The following ITGB5 variants were observed in gnomAD, a reference collection of about 807,000 sequenced individuals.
ITGB5 encodes integrin beta-5.
ITGB5 carries 38 observed loss-of-function variants against 84.8 expected under a neutral mutation model. The ratio of observed to expected loss-of-function variants is 0.45; its 90% CI spans 0.35 to 0.59. The LOEUF (loss-of-function observed/expected upper bound fraction) is 0.59. Ranked by LOEUF, ITGB5 falls within the 20% of genes least tolerant of loss-of-function variation. The probability of loss-of-function intolerance (pLI) is 0.01; values close to 1 mark genes in which losing one functional copy is unlikely to be tolerated. For synonymous variants in ITGB5, 393 were observed against 414.4 expected (o/e 0.95, Z 0.63); for missense variants, 905 against 1,034.5 (o/e 0.87, Z 1.72).
chr3:124,797,426 T>C (rs1163024376), intron 9 of ITGB5, among the ~76,000 whole-genome samples: 1 of 152,016 alleles, frequency 6.6e-6, no homozygotes, highest in Non-Finnish European at 1.5e-5. Flanking sequence ...GTGCTTGTCA[T>C]AGCTGCATCT....
intron 5 of ITGB5, among the ~76,000 whole-genome samples, chr3:124,822,786 G>A (rs1278770987): frequency 1.3e-5 from 2 of 152,200 alleles, no homozygotes; most frequent in East Asian, 1.9e-4. Context: ...CCACAGAAAA[G>A]CTAGTTCCAG....
At chr3:124,772,270 C>A (rs2063857210) in intron 11 of ITGB5, among the ~76,000 whole-genome samples, 1 of 152,206 alleles carries the variant, frequency 6.6e-6, no homozygotes, top group Non-Finnish European at 1.5e-5. Flanking sequence ...TCCCCCATCT[C>A]CTCCAATTAA....
intron 3 of ITGB5, among the ~76,000 whole-genome samples, chr3:124,855,872 C>T (rs848793): frequency 0.84 from 128,398 of 152,240 alleles, 54,504 homozygotes; most frequent in African/African-American, 0.95. Context: ...GAATGATTTT[C>T]TTCCTTAACT....
intron 10 of ITGB5, among the ~76,000 whole-genome samples, chr3:124,785,456 G>A (rs1252879251): frequency 1.3e-5 from 2 of 151,912 alleles, no homozygotes; most frequent in Admixed American, 1.3e-4. Context: ...GTGGTGGCAG[G>A]CGCCTGTAAT....
At chr3:124,802,439 C>T (rs2064329715) in intron 9 of ITGB5, among the ~76,000 whole-genome samples, 1 of 152,200 alleles carries the variant, frequency 6.6e-6, no homozygotes. Flanking sequence ...AGACTGGTCC[C>T]AGCTGTAAGT....
intron 2 of ITGB5, among the ~76,000 whole-genome samples, chr3:124,871,792 T>C (rs1408765915): frequency 2.0e-5 from 3 of 151,364 alleles, no homozygotes; most frequent in African/African-American, 7.3e-5. Flanking sequence ...CATCACTGTA[T>C]TCCAGCCTGG....
upstream of ITGB5, among the ~76,000 whole-genome samples, chr3:124,889,127 AT>A (rs1456155910): frequency 2.6e-5 from 4 of 152,258 alleles, no homozygotes; most frequent in Non-Finnish European, 5.9e-5. Flanking sequence ...CTCCCTCACA[AT>A]TTACCCACAG....
At chr3:124,823,115 T>C (rs2064732059) in intron 5 of ITGB5, among the ~76,000 whole-genome samples, 1 of 151,852 alleles carries the variant, frequency 6.6e-6, no homozygotes, top group South Asian at 2.1e-4. Flanking sequence ...ATTAAAAAAT[T>C]AGCCAGCCAT....
chr3:124,775,233 AGT>A (rs1288852778), intron 10 of ITGB5, among the ~76,000 whole-genome samples: 8 of 145,774 alleles, frequency 5.5e-5, no homozygotes, highest in African/African-American at 1.1e-4. Flanking sequence ...AGTGTGTATG[AGT>A]GTGTGAGTGC....
chr3:124,837,005 G>A lies in ITGB5; in HGVS notation c.780+4378C>T, dbSNP rs148372781. ...TAGCAGTGGAGACAAACAGGGAAAC[G>A]CATTGGGTTGCACTGATTTATTTTC... On this transcript the variant is annotated intron_variant, in intron 5 of 14. Transcript: ENST00000296181. 5.2e-3 allele frequency among the ~76,000 whole-genome samples: 790 copies of A among 152,306 alleles called. 4 individuals carry two copies. Among genetic ancestry groups the A allele is most frequent in the Middle Eastern group, 0.037 (11 of 294 alleles).
chr3:124,798,898 T>TA (rs2064275113), intron 9 of ITGB5, among the ~76,000 whole-genome samples: 1 of 152,216 alleles, frequency 6.6e-6, no homozygotes, highest in Non-Finnish European at 1.5e-5. Flanking sequence ...GATCCTGCTC[T>TA]ATAAGTCCTG....
chr3:124,805,744 G>A (rs1021114877), intron 9 of ITGB5, among the ~76,000 whole-genome samples: 5 of 151,566 alleles, frequency 3.3e-5, no homozygotes, highest in Admixed American at 6.6e-5. Flanking sequence ...GAGCCACTGC[G>A]CCTGGCGGAC....
intron 10 of ITGB5, 109 bp from the exon 11 acceptor site, chr3:124,774,021 C>G (rs2063887792): frequency 1.0e-6 from 1 of 952,906 alleles, no homozygotes; most frequent in Non-Finnish European, 1.6e-6. Flanking sequence ...AATGGAACAC[C>G]AACTCTGCCC....
chr3:124,874,249 GA>G (rs1404219596), intron 1 of ITGB5, among the ~76,000 whole-genome samples: 1 of 140,322 alleles, frequency 7.1e-6, no homozygotes, highest in Non-Finnish European at 1.5e-5. Context: ...TTTGAGCCAT[GA>G]TCGTACCACT....
At chr3:124,797,887 C>T (rs564337754) in intron 9 of ITGB5, among the ~76,000 whole-genome samples, 27 of 152,156 alleles carry the variant, frequency 1.8e-4, no homozygotes, top group Admixed American at 9.8e-4. Flanking sequence ...TCCCTTACTC[C>T]CTGAACAGAC....
At chr3:124,825,501 C>T (rs2064772609) in intron 5 of ITGB5, among the ~76,000 whole-genome samples, 1 of 152,182 alleles carries the variant, frequency 6.6e-6, no homozygotes. Flanking sequence ...CAATTAAATA[C>T]TACACTGCAA....
At chr3:124,868,680 A>G (rs1351932698) in intron 2 of ITGB5, among the ~76,000 whole-genome samples, 3 of 150,870 alleles carry the variant, frequency 2.0e-5, no homozygotes, top group African/African-American at 7.3e-5. Flanking sequence ...ATAGGTCTAT[A>G]GTCCCAGCTA....
intron 9 of ITGB5, among the ~76,000 whole-genome samples, chr3:124,805,782 C>G (rs1032716057): frequency 4.0e-5 from 6 of 151,886 alleles, no homozygotes; most frequent in African/African-American, 1.5e-4. Flanking sequence ...TGTTTATTTG[C>G]ATTGAGCCTT....
intron 11 of ITGB5, among the ~76,000 whole-genome samples, chr3:124,770,539 T>C (rs1244835049): frequency 6.6e-6 from 1 of 152,172 alleles, no homozygotes; most frequent in Non-Finnish European, 1.5e-5. Context: ...ACTAAAACAT[T>C]TCCAGTGCAG....
Sources: gnomAD v4.1 joint callset for allele counts (sites outside exome capture counted in the v4.1 genomes callset) on GRCh38, gnomAD v4.1.1 for gene constraint, MANE v1.5 for transcripts, NCBI Gene and HGNC (gene_info 2026-07-23, HGNC 2026-07-21) for gene names.